CCDC61: variants seen among roughly 807,000 people sequenced by gnomAD.
CCDC61 encodes centrosomal protein CCDC61.
A neutral mutation model predicts 63.0 loss-of-function variants in CCDC61; 55 were observed. The ratio of observed to expected loss-of-function variants is 0.87; its 90% confidence interval spans 0.70 to 1.09. The LOEUF is 1.09. Ranked by LOEUF, CCDC61 falls within the 50% of genes least tolerant of loss-of-function variation. The pLI is 0.00. For missense variants in CCDC61, 651 were observed against 731.4 expected (o/e 0.89, Z 1.27); for synonymous variants, 270 against 317.0 (o/e 0.85, Z 1.58).
Position 46,015,424 on chromosome 19 carries a change from G to A in CCDC61, c.842G>A (p.Arg281Lys), listed in dbSNP as rs7271. The A allele has an allele frequency of 0.14, 219,933 of 1,597,148 alleles. 16,086 individuals are homozygous for A. Among genetic ancestry groups the A allele is most frequent in the South Asian group, 0.19 (17,037 of 90,054 alleles). The change falls in exon 7 of 14, where the codon AGG becomes AAG. Residue 281 changes from arginine (R) to lysine (K), a missense_variant. Arg to Lys is a conservative substitution (Grantham distance 26). Transcript: ENST00000595358. The surrounding 1 kb of genome is among the most constrained non-coding windows in gnomAD (Gnocchi z 5.3). The stretch of plus-strand genomic sequence containing the variant: ...ACCAGCGAGCTGGCATTGTACAAGA[G>A]GGGGTGAGAGCGAGGCCTGCCAGGC... ...TLTSELALYK[R>K]GRRTPPVQPP...
chr19:46,005,448 T>C (rs1275978467), intron 3 of CCDC61, among the ~76,000 whole-genome samples: 2 of 152,242 alleles, frequency 1.3e-5, no homozygotes. Flanking sequence ...GTGGATGATC[T>C]TGTAACATCA....
At position 46,015,382 on chromosome 19, in the gene CCDC61, C is replaced by G. The variant is rs778595896; in HGVS notation, c.800C>G (p.Ala267Gly). Residue 267 changes from alanine to glycine, a missense_variant, in exon 7 of 14, where the codon GCC becomes GGC. Transcript: ENST00000595358. The surrounding 1 kb of genome is among the most constrained non-coding windows in gnomAD (Gnocchi z 5.3). ...AAGGCATCGGAGCGGAGCCTGCGCG[C>G]CCGGCTGAAGACGCTGACCAGCGAG... is the stretch of plus-strand genomic sequence containing the variant. ...EAKASERSLR[A>G]RLKTLTSELA... The G allele has an allele frequency of 3.7e-6, 6 of 1,603,424 alleles. No homozygotes were observed. Among genetic ancestry groups the G allele is most frequent in the Non-Finnish European group, 5.1e-6 (6 of 1,179,092 alleles).
At chr19:46,014,976 C>T in intron 5 of CCDC61, 73 bp from the exon 6 acceptor site, 1 of 1,274,152 alleles carries the variant, frequency 7.8e-7, no homozygotes, top group East Asian at 3.1e-5. Context: ...AATGATGAGG[C>T]GTCCCACCCC....
In CCDC61 at chr19:46,008,415, C is replaced by CT. The variant is rs1229373943; in HGVS notation, c.551+124dup. On this transcript the variant is annotated intron_variant, in intron 5 of 13. Transcript: ENST00000595358. ...GACTGTCCTTCGCCCACCACGTATT[C>CT]TTTTTTTTTTGAGACAAGAGTCTCA... 6,037 of 793,348 alleles carry CT rather than the reference C, an allele frequency of 7.6e-3. 1 individual carries two copies. Among genetic ancestry groups the CT allele is most frequent in the Admixed American group, 9.1e-3 (270 of 29,796 alleles). 49.1% of individuals were successfully genotyped at this position (793,348 alleles called of 1,614,324 possible). A position where few individuals can be genotyped will look rare whatever the true frequency, so the allele number is the denominator to read the frequency against.
At chr19:45,995,566 G>A in intron 1 of CCDC61, 62 bp downstream of exon 1, 2 of 457,180 alleles carry the variant, frequency 4.4e-6, no homozygotes, top group Non-Finnish European at 4.5e-6. Flanking sequence ...TGGAGGGGAA[G>A]GGGCTTCTCT....
At chr19:46,010,994 C>A (rs573843290) in intron 5 of CCDC61, among the ~76,000 whole-genome samples, 1 of 152,118 alleles carries the variant, frequency 6.6e-6, no homozygotes, top group South Asian at 2.1e-4. Context: ...GGTTTGAATT[C>A]GTCCTGTATC....
chr19:45,997,755 C>T (rs1015937006), intron 1 of CCDC61, among the ~76,000 whole-genome samples: 2 of 152,002 alleles, frequency 1.3e-5, no homozygotes, highest in African/African-American at 2.4e-5. Context: ...GGCCTCATCT[C>T]AGCTCACTAC....
At position 46,003,486 on chromosome 19, in the gene CCDC61, G is replaced by A; in HGVS notation, c.216G>A (p.Glu72=). ...TCAACATCTTCTGTCATATGCTGGA[G>A]TCAGCCCTCACTCAGGTAGGGCCCG... ...KQFNIFCHML[E]SALTQSSESV... is the part of the protein sequence containing the mutation. The change falls in exon 3 of 14, where the codon GAG becomes GAA. Residue 72 remains glutamate, a synonymous_variant. Coordinates refer to ENST00000595358, the MANE Select transcript of CCDC61 (RefSeq NM_001267723.2). 4 of 1,594,864 alleles carry A rather than the reference G, an allele frequency of 2.5e-6. No homozygotes were observed. The highest frequency in any genetic ancestry group is 3.4e-6 in the Non-Finnish European group (4 of 1,167,526).
At chr19:46,004,290 A>G (rs1378382698) in intron 3 of CCDC61, among the ~76,000 whole-genome samples, 1 of 152,176 alleles carries the variant, frequency 6.6e-6, no homozygotes, top group Non-Finnish European at 1.5e-5. Flanking sequence ...ATGTAGTCAC[A>G]TCAGTGAATA....
chr19:45,995,830 G>A (rs1273245944), intron 1 of CCDC61, among the ~76,000 whole-genome samples: 2 of 152,206 alleles, frequency 1.3e-5, no homozygotes, highest in East Asian at 3.9e-4. Context: ...TAAGGCAGAG[G>A]GTTATTACAG....
intron 5 of CCDC61, 97 bp from the exon 6 acceptor site, chr19:46,014,952 T>C (rs1477846465): frequency 2.8e-6 from 3 of 1,090,266 alleles, no homozygotes; most frequent in Non-Finnish European, 3.8e-6. Flanking sequence ...GTGTACCCCC[T>C]TCCGGGGAGG....
At chr19:46,014,839 G>T (rs979863758) in intron 5 of CCDC61, among the ~76,000 whole-genome samples, 1 of 152,138 alleles carries the variant, frequency 6.6e-6, no homozygotes, top group South Asian at 2.1e-4. Context: ...TGTCCTCTTC[G>T]TGAGGTGCAT....
chr19:46,009,802 C>CTG (rs905313232), intron 5 of CCDC61, among the ~76,000 whole-genome samples: 4 of 128,218 alleles, frequency 3.1e-5, no homozygotes, highest in South Asian at 2.4e-4. Context: ...TGCTCTCAGG[C>CTG]TGTGTGTGTG....
At chr19:45,999,457 C>T (rs887864304) in intron 1 of CCDC61, among the ~76,000 whole-genome samples, 3 of 151,972 alleles carry the variant, frequency 2.0e-5, no homozygotes, top group Non-Finnish European at 4.4e-5. Flanking sequence ...GGAGAGAGCC[C>T]ATCTAGGGTA....
Position 46,017,056 on chromosome 19 carries a change from T to A in CCDC61, c.1297T>A (p.Ser433Thr). 2.5e-6 allele frequency: 4 copies of A among 1,612,306 alleles called. No individual in the cohort carries two copies. The highest frequency in any genetic ancestry group is 3.4e-6 in the Non-Finnish European group (4 of 1,179,246). ...SCSDLEDFSE[S>T]LSRGGHRRRG... ...CAGCGATTTGGAGGATTTCTCTGAGTCGCTCTCCAGAGGGTAAAACTTGAA... is the reference window on the plus strand; with the variant it reads ...CAGCGATTTGGAGGATTTCTCTGAGACGCTCTCCAGAGGGTAAAACTTGAA... Residue 433 changes from serine (S) to threonine (T), a missense_variant, in exon 11 of 14, where the codon TCG becomes ACG. Transcript: ENST00000595358.
Position 46,006,705 on chromosome 19 carries a change from G to A in CCDC61, c.378G>A (p.Val126=). Residue 126 remains valine, a synonymous_variant, in exon 4 of 14, where the codon GTG becomes GTA. Transcript: ENST00000595358. ...GCTACCTGATCCTCATCTACTCCGT[G>A]GAGTTTGACAGGTGGGGAGAAGGGT... ...SKRYLILIYS[V]EFDRIHYPLP... is the part of the protein sequence containing the mutation. The A allele has an allele frequency of 6.2e-7, 1 of 1,605,946 alleles. No individual in the cohort carries two copies. The highest frequency in any genetic ancestry group is 1.1e-5 in the South Asian group (1 of 90,702).
intron 3 of CCDC61, among the ~76,000 whole-genome samples, chr19:46,005,675 T>G (rs372232025): frequency 6.6e-6 from 1 of 152,170 alleles, no homozygotes; most frequent in Admixed American, 6.5e-5. Context: ...ATTTTGTTAT[T>G]GGCAAGACAT....
At chr19:46,017,182 G>C in intron 11 of CCDC61, 65 bp from the exon 12 acceptor site, 12 of 1,541,540 alleles carry the variant, frequency 7.8e-6, no homozygotes, top group Non-Finnish European at 1.1e-5. Flanking sequence ...AAACCACAAA[G>C]GTCGGGGAGG....
rs913007458 is a variant in CCDC61, at chr19:46,018,218, G to A, written c.1441+68G>A. 26 of 1,550,162 alleles carry A rather than the reference G, an allele frequency of 1.7e-5. No individual in the cohort carries two copies. The highest frequency in any genetic ancestry group is 3.9e-5 in the Admixed American group (2 of 51,770). ...CGTTGGAATGGTAGTGCGGGCAGTG[G>A]TATATTGGGCCCAGGAACTCCCTGG... On this transcript the variant is annotated intron_variant, in intron 13 of 13. Transcript: ENST00000595358. The surrounding 1 kb of genome is among the most constrained non-coding windows in gnomAD (Gnocchi z 4.2).
Sources: allele counts gnomAD v4.1 joint callset (sites outside exome capture counted in the v4.1 genomes callset), GRCh38; gene constraint gnomAD v4.1.1; non-coding constraint Gnocchi (gnomAD v3.1); transcripts MANE v1.5; gene names NCBI Gene and HGNC (gene_info 2026-07-23, HGNC 2026-07-21).